Variants in PTGIS observed in about 807,000 individuals in gnomAD.
PTGIS encodes prostacyclin synthase.
In PTGIS, 45 loss-of-function variants were observed where a neutral mutation model predicts 50.3. The ratio of observed to expected loss-of-function variants is 0.90; its 90% CI spans 0.70 to 1.15. The LOEUF (loss-of-function observed/expected upper bound fraction) is 1.15. Among genes scored for constraint, PTGIS ranks in the 50% most tolerant of loss-of-function variants. The pLI, the probability that PTGIS is intolerant of heterozygous loss-of-function variation, is 0.00. For missense variants in PTGIS, 668 were observed against 661.3 expected, an observed-to-expected ratio of 1.01 and a Z score of -0.11; for synonymous variants, 260 against 267.7, an observed-to-expected ratio of 0.97 and a Z score of 0.28.
intron 4 of PTGIS, among the ~76,000 whole-genome samples, chr20:49,543,797 G>A (rs574979781): frequency 7.5e-4 from 114 of 152,122 alleles, no homozygotes; most frequent in Admixed American, 1.4e-3. Flanking sequence ...AACTCAATTC[G>A]GCCTCCCCCA....
intron 6 of PTGIS, among the ~76,000 whole-genome samples, chr20:49,517,066 G>A (rs1568670197): frequency 2.0e-5 from 3 of 152,222 alleles, no homozygotes; most frequent in Admixed American, 1.3e-4. Context: ...AATCCCACAC[G>A]TGCTGCGCCC....
chr20:49,526,683 T>A (rs1981801024), intron 5 of PTGIS, among the ~76,000 whole-genome samples: 1 of 152,046 alleles, frequency 6.6e-6, no homozygotes, highest in Admixed American at 6.5e-5. Context: ...TGAATAGATA[T>A]TTCTCCAAAG....
At chr20:49,522,920 AG>A (rs1981689416) in intron 6 of PTGIS, among the ~76,000 whole-genome samples, 1 of 152,176 alleles carries the variant, frequency 6.6e-6, no homozygotes, top group East Asian at 1.9e-4. Flanking sequence ...GCTATTCAGG[AG>A]GCTGAGGCAG....
At position 49,524,523 on chromosome 20, in the gene PTGIS, C is replaced by T. The variant is rs1050411746; in HGVS notation, c.674-284G>A. Among the ~76,000 whole-genome samples, 7 of 152,194 alleles carry T rather than the reference C, an allele frequency of 4.6e-5. No homozygotes were observed. The East Asian group carries it at 5.8e-4, about 13-fold the overall frequency. On this transcript the variant is annotated intron_variant, in intron 5 of 9. Coordinates refer to ENST00000244043, the MANE Select transcript of PTGIS (RefSeq NM_000961.4). ...CAATCACCTCTATGTCCCCATCACC[C>T]GGCCCGTAGCAGGTGCTCAATAAAT...
intron 5 of PTGIS, among the ~76,000 whole-genome samples, chr20:49,538,495 T>G (rs963911286): frequency 2.6e-5 from 4 of 151,904 alleles, no homozygotes; most frequent in Admixed American, 6.6e-5. Context: ...TCAAGTTGAG[T>G]GAAAGAAGCC....
At chr20:49,537,997 T>C (rs1982123840) in intron 5 of PTGIS, among the ~76,000 whole-genome samples, 1 of 152,138 alleles carries the variant, frequency 6.6e-6, no homozygotes, top group Non-Finnish European at 1.5e-5. Flanking sequence ...CTCACGTCTG[T>C]AATCCCAACA....
At chr20:49,548,385 A>G (rs561322765) in intron 2 of PTGIS, among the ~76,000 whole-genome samples, 2 of 152,322 alleles carry the variant, frequency 1.3e-5, no homozygotes, top group East Asian at 3.9e-4. Flanking sequence ...TATCTCCAGT[A>G]GCCAGGAGAG....
intron 5 of PTGIS, among the ~76,000 whole-genome samples, chr20:49,533,859 G>A (rs149811032): frequency 0.036 from 5,439 of 152,176 alleles, 136 homozygotes; most frequent in Non-Finnish European, 0.053. Context: ...TACTCGGGGG[G>A]CTGAGGCAGG....
At chr20:49,521,435 T>C (rs2122851689) in intron 6 of PTGIS, among the ~76,000 whole-genome samples, 1 of 152,318 alleles carries the variant, frequency 6.6e-6, no homozygotes, top group South Asian at 2.1e-4. Flanking sequence ...GGACATCTTG[T>C]CCCCAGCTCC....
In PTGIS at chr20:49,507,376, G is replaced by A; in HGVS notation, c.*544C>T. 4.9e-6 allele frequency: 1 copy of A among 205,280 alleles called. No homozygotes were observed. Among genetic ancestry groups the A allele is most frequent in the Non-Finnish European group, 1.0e-5 (1 of 100,178 alleles). The allele number at this position is 205,280 out of a possible 1,614,324, so 12.7% of individuals were successfully genotyped here. A position where few individuals can be genotyped will look rare whatever the true frequency, so the allele number is the denominator to read the frequency against. On this transcript the variant is annotated 3_prime_UTR_variant, in exon 10 of 10. Coordinates refer to ENST00000244043, the MANE Select transcript of PTGIS (RefSeq NM_000961.4). The stretch of plus-strand genomic sequence containing the variant: ...GTAGTGTGAGCAATGGGGCAATCTG[G>A]CAAATGGGGCCCCAGGGAAGCAGAT...
intron 1 of PTGIS, among the ~76,000 whole-genome samples, chr20:49,566,597 A>G (rs1247404690): frequency 6.6e-6 from 1 of 152,270 alleles, no homozygotes; most frequent in Admixed American, 6.5e-5. Flanking sequence ...TGAAAATTCA[A>G]CTACCATATT....
Position 49,541,514 on chromosome 20 carries a change from C to T in PTGIS, c.522-1793G>A, listed in dbSNP as rs569087681. On this transcript the variant is annotated intron_variant, in intron 4 of 9. Transcript: ENST00000244043. Reference sequence around the variant, plus strand: ...TGGGATGCCGAGGTGGTTATATCACCTGAGGTCAGGAGTTCGAGACCAGCT... The same window carrying T: ...TGGGATGCCGAGGTGGTTATATCACTTGAGGTCAGGAGTTCGAGACCAGCT... 9.4e-4 allele frequency among the ~76,000 whole-genome samples: 143 copies of T among 152,230 alleles called. 1 individual carries two copies. The highest frequency in any genetic ancestry group is 3.3e-3 in the African/African-American group (137 of 41,548).
At chr20:49,527,752 A>G (rs77328069) in intron 5 of PTGIS, among the ~76,000 whole-genome samples, 1,762 of 152,334 alleles carry the variant, frequency 0.012, 33 homozygotes, top group African/African-American at 0.036. Flanking sequence ...AGTATATTTT[A>G]TGTTATTTAT....
At chr20:49,542,699 C>A (rs1312334453) in intron 4 of PTGIS, among the ~76,000 whole-genome samples, 1 of 152,214 alleles carries the variant, frequency 6.6e-6, no homozygotes, top group African/African-American at 2.4e-5. Context: ...ACCAGCATCA[C>A]CCACACCAAT....
intron 5 of PTGIS, 95 bp from the exon 6 acceptor site, chr20:49,524,334 C>A: frequency 7.3e-6 from 10 of 1,379,018 alleles, no homozygotes; most frequent in Non-Finnish European, 1.0e-5. Context: ...CAAGGGTCTT[C>A]TGAATGTCAC....
At chr20:49,523,325 T>C (rs1398297457) in intron 6 of PTGIS, among the ~76,000 whole-genome samples, 1 of 151,384 alleles carries the variant, frequency 6.6e-6, no homozygotes. Flanking sequence ...ATAATCCCAG[T>C]GGGGAAAAGA....
At chr20:49,537,268 C>T (rs773913756) in intron 5 of PTGIS, among the ~76,000 whole-genome samples, 2 of 152,188 alleles carry the variant, frequency 1.3e-5, no homozygotes, top group Non-Finnish European at 2.9e-5. Context: ...GGAATGGCGC[C>T]GCCCAGTGGT....
At position 49,527,674 on chromosome 20, in the gene PTGIS, C is replaced by T. The variant is rs1019922918; in HGVS notation, c.674-3435G>A. Among the ~76,000 whole-genome samples the T allele has an allele frequency of 5.9e-5, 9 of 152,144 alleles. No individual in the cohort carries two copies. In the South Asian group the frequency reaches 8.3e-4, roughly 14 times the overall value. ...ATGAAAAGTTTCTGGAAATAGATAA[C>T]GGCATGGTTATACAACATTGTGAAT... On this transcript the variant is annotated intron_variant, in intron 5 of 9. Transcript: ENST00000244043.
chr20:49,543,634 T>C (rs1449244240), intron 4 of PTGIS, among the ~76,000 whole-genome samples: 2 of 152,014 alleles, frequency 1.3e-5, no homozygotes, highest in Non-Finnish European at 2.9e-5. Flanking sequence ...CTGCCTAGAG[T>C]GTTGGCGTGG....
Sources: allele counts gnomAD v4.1 joint callset (sites outside exome capture counted in the v4.1 genomes callset), GRCh38; gene constraint gnomAD v4.1.1; transcripts MANE v1.5; gene names NCBI Gene and HGNC (gene_info 2026-07-23, HGNC 2026-07-21).